The following SLC15A5 variants were observed in gnomAD, a reference collection of about 807,000 sequenced individuals.
SLC15A5 encodes the protein Peptide/histidine transporter ENSP00000340402.
A neutral mutation model predicts 56.1 loss-of-function variants in SLC15A5; 58 were observed. The ratio of observed to expected loss-of-function variants is 1.03; its 90% CI spans 0.84 to 1.29. The LOEUF (loss-of-function observed/expected upper bound fraction) is 1.29, where lower values mean the gene tolerates loss of function less well. Among genes scored for constraint, SLC15A5 ranks in the 50% most tolerant of loss-of-function variants. SLC15A5 has a pLI of 0.00. For missense variants in SLC15A5, 681 were observed against 672.1 expected (o/e 1.01, Z -0.15); for synonymous variants, 264 against 250.5 (o/e 1.05, Z -0.51).
chr12:16,262,668 C>G (rs1864654036), intron 2 of SLC15A5, among the ~76,000 whole-genome samples: 1 of 152,188 alleles, frequency 6.6e-6, no homozygotes, highest in African/African-American at 2.4e-5. Flanking sequence ...TTCTCTGTCC[C>G]CATCCAAATC....
intron 7 of SLC15A5, among the ~76,000 whole-genome samples, chr12:16,204,302 C>T (rs1377527366): frequency 1.3e-5 from 2 of 151,402 alleles, no homozygotes; most frequent in East Asian, 3.9e-4. Context: ...CTAAAAAATA[C>T]AAAAATTAGC....
intron 3 of SLC15A5, among the ~76,000 whole-genome samples, chr12:16,255,710 A>G (rs116319128): frequency 0.014 from 2,075 of 152,214 alleles, 53 homozygotes; most frequent in African/African-American, 0.045. Flanking sequence ...ATGTCTATCC[A>G]TATGGAACTG....
intron 3 of SLC15A5, 83 bp downstream of exon 3, chr12:16,257,618 A>G: frequency 9.1e-7 from 1 of 1,096,788 alleles, no homozygotes. Flanking sequence ...TTGAAAGAGA[A>G]GTTATAAAGA....
intron 5 of SLC15A5, among the ~76,000 whole-genome samples, chr12:16,226,733 G>A (rs1799505): frequency 1 from 151,627 of 152,250 alleles, 75,507 homozygotes; most frequent in Middle Eastern, 1. Context: ...TTTTACTTTT[G>A]AGGAATTATC....
chr12:16,199,170 C>G (rs747086674), intron 7 of SLC15A5, among the ~76,000 whole-genome samples: 1 of 152,012 alleles, frequency 6.6e-6, no homozygotes, highest in African/African-American at 2.4e-5. Context: ...GCCTGCCCCC[C>G]ACAGACCCTG....
chr12:16,255,447 T>C (rs2136804140), intron 3 of SLC15A5, among the ~76,000 whole-genome samples: 1 of 152,254 alleles, frequency 6.6e-6, no homozygotes, highest in East Asian at 1.9e-4. Flanking sequence ...CAATATACTT[T>C]GTTTGAGAGG....
Position 16,277,542 on chromosome 12 carries a change from C to T in SLC15A5, c.144G>A (p.Leu48=). Residue 48 remains leucine (L), a synonymous_variant, in exon 1 of 9, where the codon CTG becomes CTA. Transcript: ENST00000344941. ...ACGTGAACCTCTCACACAGCTCCAC[C>T]AGAAGCAAGCAGATTCCAACCTGAA... ...KKIQVGICLL[L]VELCERFTFF... The T allele has an allele frequency of 3.3e-6, 5 of 1,536,504 alleles. No homozygotes were observed. The highest frequency in any genetic ancestry group is 4.4e-6 in the Non-Finnish European group (5 of 1,146,398).
At chr12:16,229,748 A>C (rs773205772) in intron 5 of SLC15A5, among the ~76,000 whole-genome samples, 6 of 152,074 alleles carry the variant, frequency 3.9e-5, no homozygotes, top group Middle Eastern at 3.2e-3. Context: ...AGGATAATGA[A>C]ACATGTGACA....
intron 1 of SLC15A5, among the ~76,000 whole-genome samples, chr12:16,274,249 A>G (rs1391131227): frequency 6.6e-6 from 1 of 152,002 alleles, no homozygotes; most frequent in Middle Eastern, 3.2e-3. Context: ...CCACTGGCAA[A>G]TGTTCTTTAA....
intron 7 of SLC15A5, among the ~76,000 whole-genome samples, chr12:16,211,963 G>C (rs1407155411): frequency 6.6e-6 from 1 of 152,186 alleles, no homozygotes; most frequent in East Asian, 1.9e-4. Flanking sequence ...GGAAGACTGT[G>C]ATAGCTGATC....
intron 7 of SLC15A5, among the ~76,000 whole-genome samples, chr12:16,204,116 T>C (rs1028912804): frequency 1.3e-5 from 2 of 152,256 alleles, no homozygotes; most frequent in Non-Finnish European, 2.9e-5. Flanking sequence ...AAACTTCAGT[T>C]TTTCTAAAAT....
intron 7 of SLC15A5, among the ~76,000 whole-genome samples, chr12:16,202,738 C>A (rs1240901279): frequency 1.3e-5 from 2 of 152,046 alleles, no homozygotes; most frequent in African/African-American, 4.8e-5. Flanking sequence ...TTGATTAATA[C>A]ATTTTAAAAA....
At chr12:16,222,004 GT>G (rs1347109707) in intron 6 of SLC15A5, among the ~76,000 whole-genome samples, 1 of 151,732 alleles carries the variant, frequency 6.6e-6, no homozygotes, top group Non-Finnish European at 1.5e-5. Context: ...CTGTGCTTCT[GT>G]TCTGAGTCTG....
Position 16,216,874 on chromosome 12 carries a change from G to T in SLC15A5, c.1483+19C>A. On this transcript the variant is annotated intron_variant, in intron 7 of 8. Transcript: ENST00000344941. ...TCATCAACTCAATGTATATAAGCAT[G>T]CCACGAACCTATTTTTACCATCTGA... The T allele has an allele frequency of 6.5e-7, 1 of 1,531,518 alleles. No homozygotes were observed. The highest frequency in any genetic ancestry group is 8.7e-7 in the Non-Finnish European group (1 of 1,144,338). 94.9% of individuals were successfully genotyped at this position (1,531,518 alleles called of 1,614,324 possible). A position where few individuals can be genotyped will look rare whatever the true frequency, so the allele number is the denominator to read the frequency against.
intron 8 of SLC15A5, 34 bp downstream of exon 8, chr12:16,194,311 C>A: frequency 7.1e-7 from 1 of 1,401,546 alleles, no homozygotes; most frequent in South Asian, 1.3e-5. Flanking sequence ...TTCATGGACT[C>A]AGAAATTTTT....
In SLC15A5 at chr12:16,271,724, A is replaced by C. The variant is rs759414831; in HGVS notation, c.584+837T>G. On this transcript the variant is annotated intron_variant, in intron 2 of 8. Transcript: ENST00000344941. The surrounding 1 kb of genome is among the most constrained non-coding windows in gnomAD (Gnocchi z 8.0). The stretch of plus-strand genomic sequence containing the variant: ...GACATCCACTGATAGATAACAAAGA[A>C]TAACAAAGAAGTTTTATACTAAATT... Among the ~76,000 whole-genome samples the C allele has an allele frequency of 2.0e-5, 3 of 152,224 alleles. No homozygotes were observed. Among genetic ancestry groups the C allele is most frequent in the African/African-American group, 7.2e-5 (3 of 41,462 alleles).
chr12:16,215,439 A>G (rs1369153570), intron 7 of SLC15A5, among the ~76,000 whole-genome samples: 1 of 152,138 alleles, frequency 6.6e-6, no homozygotes, highest in Non-Finnish European at 1.5e-5. Flanking sequence ...ATCTTCACTG[A>G]GTAATGTAAA....
chr12:16,242,549 A>G (rs1295185426), intron 4 of SLC15A5, among the ~76,000 whole-genome samples: 1 of 152,184 alleles, frequency 6.6e-6, no homozygotes, highest in Non-Finnish European at 1.5e-5. Flanking sequence ...GTGGGGATTA[A>G]ATTACGTACT....
rs75903858 is a variant in SLC15A5, at chr12:16,236,349, A to G, written c.1162+3332T>C. Among the ~76,000 whole-genome samples, 294 of 152,338 alleles carry G rather than the reference A, an allele frequency of 1.9e-3. 1 individual carries two copies. Among genetic ancestry groups the G allele is most frequent in the Non-Finnish European group, 3.3e-3 (225 of 68,024 alleles). The stretch of plus-strand genomic sequence containing the variant: ...GGTTGACTTAACCAGATAAATCCAC[A>G]CAAGTGTAATATTAAGAAAATGCAG... On this transcript the variant is annotated intron_variant, in intron 5 of 8. Coordinates refer to ENST00000344941, the MANE Select transcript of SLC15A5 (RefSeq NM_001170798.1).
Sources: allele counts gnomAD v4.1 joint callset (sites outside exome capture counted in the v4.1 genomes callset), GRCh38; gene constraint gnomAD v4.1.1; non-coding constraint Gnocchi (gnomAD v3.1); transcripts MANE v1.5; gene names NCBI Gene and HGNC (gene_info 2026-07-23, HGNC 2026-07-21).